RTL4: variants seen among roughly 807,000 people sequenced by gnomAD.
The protein encoded by RTL4 is retrotransposon Gag-like protein 4.
RTL4 carries 4 observed loss-of-function variants against 5.3 expected under a neutral mutation model. The ratio of observed to expected loss-of-function variants is 0.75; its 90% CI spans 0.37 to 1.72. The LOEUF (loss-of-function observed/expected upper bound fraction) is 1.72, where lower values mean the gene tolerates loss of function less well. Among genes scored for constraint, RTL4 ranks in the 40% most tolerant of loss-of-function variants. The pLI, the probability that RTL4 is intolerant of heterozygous loss-of-function variation, is 0.04. For missense variants in RTL4, 260 were observed against 227.1 expected, an observed-to-expected ratio of 1.14 and a Z score of -0.93; for synonymous variants, 98 against 87.3, an observed-to-expected ratio of 1.12 and a Z score of -0.68.
the RTL4 span, chrX:112,381,422 G>A: frequency 8.3e-7 from 1 of 1,209,041 alleles, no homozygotes. Flanking sequence ...TATAAAACAA[G>A]CTCAAACCCA....
the RTL4 span, among the ~76,000 whole-genome samples, chrX:112,213,272 T>C: frequency 3.5e-5 from 4 of 113,154 alleles, 1 homozygote; most frequent in Middle Eastern, 0.018. Flanking sequence ...TTTAGTTTCT[T>C]CTTTGGTAAA....
the RTL4 span, among the ~76,000 whole-genome samples, chrX:112,228,037 AG>A: frequency 9.0e-6 from 1 of 111,321 alleles, no homozygotes; most frequent in East Asian, 2.8e-4. Context: ...CTGTAGATAA[AG>A]GTATGACAAT....
At chrX:112,121,872 A>G in the RTL4 span, among the ~76,000 whole-genome samples, 1 of 111,768 alleles carries the variant, frequency 8.9e-6, no homozygotes, top group Non-Finnish European at 1.9e-5. Flanking sequence ...TTCACCACAT[A>G]TTATCACAAT....
the RTL4 span, among the ~76,000 whole-genome samples, chrX:112,180,463 G>A: frequency 2.7e-5 from 3 of 112,112 alleles, no homozygotes; most frequent in Non-Finnish European, 5.6e-5. Flanking sequence ...AATTCCCACT[G>A]TGGATTTTGC....
chrX:112,372,106 G>T, the RTL4 span, among the ~76,000 whole-genome samples: 1 of 111,084 alleles, frequency 9.0e-6, no homozygotes, highest in Non-Finnish European at 1.9e-5. Context: ...ACTGCAGAAG[G>T]CCCCTTGATT....
chrX:112,240,620 T>C, the RTL4 span, among the ~76,000 whole-genome samples: 2 of 112,015 alleles, frequency 1.8e-5, no homozygotes, highest in Non-Finnish European at 3.8e-5. Flanking sequence ...TAAGCACATA[T>C]TGCTTTTGTG....
chrX:112,205,109 A>T, the RTL4 span, among the ~76,000 whole-genome samples: 1 of 111,783 alleles, frequency 8.9e-6, no homozygotes, highest in Admixed American at 9.5e-5. Flanking sequence ...AAACTTGCAG[A>T]TAATTAGGAG....
chrX:112,146,288 TG>T, the RTL4 span, among the ~76,000 whole-genome samples: 1 of 110,319 alleles, frequency 9.1e-6, no homozygotes, highest in Non-Finnish European at 1.9e-5. Context: ...TTGAACAACT[TG>T]GGGGAAGTTG....
chrX:112,161,919 G>A, the RTL4 span, among the ~76,000 whole-genome samples: 16 of 96,817 alleles, frequency 1.7e-4, no homozygotes, highest in East Asian at 3.4e-4. Context: ...GGAAAAATCC[G>A]TTCTAATATC....
At chrX:112,354,742 G>A in the RTL4 span, among the ~76,000 whole-genome samples, 1 of 110,736 alleles carries the variant, frequency 9.0e-6, no homozygotes, top group Non-Finnish European at 1.9e-5. Context: ...ATCCAACCTT[G>A]TGACAGAAGG....
chrX:112,140,949 A>G, the RTL4 span, among the ~76,000 whole-genome samples: 1 of 111,985 alleles, frequency 8.9e-6, no homozygotes, highest in African/African-American at 3.2e-5. Flanking sequence ...TTCCTTCTCT[A>G]CAACTACAGT....
At chrX:112,390,109 ATATATATATATATATATATATATAT>A in the RTL4 span, among the ~76,000 whole-genome samples, 1 of 1,366 alleles carries the variant, frequency 7.3e-4, no homozygotes, top group African/African-American at 1.9e-3. Context: ...TATATATAAT[ATATATATATATATATATATATATAT>A]ATATATATAT....
At chrX:112,192,819 A>G in the RTL4 span, among the ~76,000 whole-genome samples, 1 of 111,804 alleles carries the variant, frequency 8.9e-6, no homozygotes, top group Non-Finnish European at 1.9e-5. Context: ...TATCTTTTGT[A>G]TTTACCTATG....
the RTL4 span, among the ~76,000 whole-genome samples, chrX:112,426,787 T>C: frequency 9.0e-6 from 1 of 111,503 alleles, no homozygotes; most frequent in Non-Finnish European, 1.9e-5. Flanking sequence ...TTTATTTCAT[T>C]TTCTTGTCTT....
chrX:112,309,881 TACAC>T, the RTL4 span, among the ~76,000 whole-genome samples: 1 of 104,034 alleles, frequency 9.6e-6, no homozygotes, highest in Non-Finnish European at 2.0e-5. Flanking sequence ...TACATATATA[TACAC>T]ACACACACAC....
chrX:112,332,789 C>T, the RTL4 span, among the ~76,000 whole-genome samples: 612 of 109,849 alleles, frequency 5.6e-3, 4 homozygotes, highest in African/African-American at 0.019. Flanking sequence ...ATGTGACGGA[C>T]CTGCACATTG....
At chrX:112,115,236 G>A in the RTL4 span, among the ~76,000 whole-genome samples, 1 of 111,557 alleles carries the variant, frequency 9.0e-6, no homozygotes, top group South Asian at 3.8e-4. Context: ...AGAGGACTGA[G>A]GAAGGTCGGA....
the RTL4 span, among the ~76,000 whole-genome samples, chrX:112,229,729 G>A: frequency 8.9e-6 from 1 of 112,293 alleles, no homozygotes; most frequent in African/African-American, 3.2e-5. Context: ...CTTTCTGTTT[G>A]TTAGTTTTCC....
chrX:112,437,972 C>A, the RTL4 span, among the ~76,000 whole-genome samples: 1 of 110,563 alleles, frequency 9.0e-6, no homozygotes, highest in East Asian at 2.9e-4. Flanking sequence ...TACAAAATGC[C>A]ATGGGTCTTC....
Sources: gnomAD v4.1 joint callset for allele counts (sites outside exome capture counted in the v4.1 genomes callset) on GRCh38, gnomAD v4.1.1 for gene constraint, MANE v1.5 for transcripts, NCBI Gene and HGNC (gene_info 2026-07-23, HGNC 2026-07-21) for gene names.